CSMD1: variants seen among roughly 807,000 people sequenced by gnomAD.
The protein encoded by CSMD1 is CUB and Sushi multiple domains 1.
Under a neutral mutation model 417.5 loss-of-function variants are expected in CSMD1, and 213 were observed. That is an observed-to-expected ratio of 0.51 (90% CI 0.46 to 0.57). The LOEUF is 0.57. CSMD1 is among the 20% of genes least tolerant of loss of function. CSMD1 has a pLI of 0.00. For missense variants in CSMD1, 6,923 were observed against 4,529.7 expected, an observed-to-expected ratio of 1.53 and a Z score of -15.17; for synonymous variants, 2,862 against 1,736.8, an observed-to-expected ratio of 1.65 and a Z score of -16.11.
intron 5 of CSMD1, among the ~76,000 whole-genome samples, chr8:3,901,694 G>T (rs1445383111): frequency 6.6e-6 from 1 of 152,196 alleles, no homozygotes; most frequent in African/African-American, 2.4e-5. Context: ...AACTTTATTA[G>T]ATTTTGAAAT....
intron 2 of CSMD1, among the ~76,000 whole-genome samples, chr8:4,429,106 A>C (rs1271661871): frequency 6.6e-6 from 1 of 151,778 alleles, no homozygotes; most frequent in African/African-American, 2.4e-5. Flanking sequence ...AATGATTACT[A>C]CTGGTAATCA....
chr8:3,962,198 C>A (rs903659694), intron 5 of CSMD1, among the ~76,000 whole-genome samples: 2 of 152,126 alleles, frequency 1.3e-5, no homozygotes, highest in African/African-American at 4.8e-5. Flanking sequence ...TACCACATTC[C>A]AGAATGGGAT....
chr8:3,970,187 C>T (rs1341238676), intron 5 of CSMD1, among the ~76,000 whole-genome samples: 1 of 142,428 alleles, frequency 7.0e-6, no homozygotes, highest in Non-Finnish European at 1.6e-5. Flanking sequence ...ACCTCTTGAA[C>T]AAGGGACTTT....
chr8:3,855,988 A>G, intron 5 of CSMD1, among the ~76,000 whole-genome samples: 1 of 152,158 alleles, frequency 6.6e-6, no homozygotes. Context: ...TGTCAGTATT[A>G]ATCAATTTTT....
intron 1 of CSMD1, among the ~76,000 whole-genome samples, chr8:4,758,403 G>A (rs1010063470): frequency 6.6e-6 from 1 of 152,090 alleles, no homozygotes; most frequent in Non-Finnish European, 1.5e-5. Flanking sequence ...AATGAGCAAG[G>A]CCATAGATTG....
intron 26 of CSMD1, among the ~76,000 whole-genome samples, chr8:3,240,486 G>C (rs1054503891): frequency 5.3e-5 from 8 of 152,088 alleles, no homozygotes; most frequent in African/African-American, 7.2e-5. Flanking sequence ...TTGGCAGGGA[G>C]AGCACGTGTG....
At chr8:4,213,169 G>A (rs569837592) in intron 3 of CSMD1, among the ~76,000 whole-genome samples, 5 of 152,224 alleles carry the variant, frequency 3.3e-5, no homozygotes, top group African/African-American at 9.6e-5. Flanking sequence ...AAACCAAATG[G>A]GGAGAGACAT....
intron 5 of CSMD1, among the ~76,000 whole-genome samples, chr8:3,810,300 A>T (rs919247427): frequency 2.0e-5 from 3 of 152,206 alleles, no homozygotes; most frequent in East Asian, 3.9e-4. Context: ...GACGAAGACA[A>T]GACAAAACCC....
intron 2 of CSMD1, among the ~76,000 whole-genome samples, chr8:4,446,993 G>GT (rs1400750397): frequency 6.6e-6 from 1 of 151,878 alleles, no homozygotes; most frequent in African/African-American, 2.4e-5. Flanking sequence ...GGGTGGAGTG[G>GT]TAAGAAACTG....
At chr8:3,552,221 A>G (rs2116789757) in intron 10 of CSMD1, among the ~76,000 whole-genome samples, 1 of 152,312 alleles carries the variant, frequency 6.6e-6, no homozygotes, top group Admixed American at 6.5e-5. Flanking sequence ...CTGATTTAGA[A>G]AAAAGGGCTG....
At chr8:4,916,172 G>C (rs545287086) in intron 1 of CSMD1, among the ~76,000 whole-genome samples, 8 of 152,310 alleles carry the variant, frequency 5.3e-5, no homozygotes, top group Admixed American at 1.3e-4. Context: ...ATAAAAGAAA[G>C]TAGAGTCCTC....
intron 30 of CSMD1, among the ~76,000 whole-genome samples, chr8:3,206,555 CTGTGTGTGTATGTGTG>C (rs1797291762): frequency 3.6e-5 from 2 of 56,000 alleles, no homozygotes; most frequent in South Asian, 1.2e-3. Context: ...GAGGTTATGT[CTGTGTGTGTATGTGTG>C]TGTGTGTGTA....
At chr8:4,245,754 T>A (rs935360667) in intron 3 of CSMD1, among the ~76,000 whole-genome samples, 3 of 152,304 alleles carry the variant, frequency 2.0e-5, no homozygotes, top group East Asian at 3.9e-4. Context: ...AGTCAGGCCG[T>A]ATCACCCAAC....
At chr8:3,554,465 C>T (rs1799055067) in intron 10 of CSMD1, among the ~76,000 whole-genome samples, 1 of 152,106 alleles carries the variant, frequency 6.6e-6, no homozygotes. Flanking sequence ...TCACAGACAC[C>T]CCACATTGAG....
intron 3 of CSMD1, among the ~76,000 whole-genome samples, chr8:4,198,841 A>C (rs1799488397): frequency 6.6e-6 from 1 of 152,126 alleles, no homozygotes; most frequent in Non-Finnish European, 1.5e-5. Flanking sequence ...CCATCTCAGG[A>C]GAGACAGCGC....
intron 1 of CSMD1, among the ~76,000 whole-genome samples, chr8:4,912,350 C>T (rs1219501915): frequency 1.1e-5 from 1 of 88,122 alleles, no homozygotes; most frequent in African/African-American, 4.1e-5. Context: ...ATTAAGAAAT[C>T]ATTTTCTGCT....
intron 2 of CSMD1, among the ~76,000 whole-genome samples, chr8:4,525,397 C>G (rs17070484): frequency 0.11 from 16,932 of 152,134 alleles, 1,222 homozygotes; most frequent in South Asian, 0.19. Context: ...AGCTGAACCA[C>G]CAACTGTCAT....
rs540295726 is a variant in CSMD1 at position 4,211,344 on chromosome 8, T to C, written c.416-179245A>G. 2.8e-4 allele frequency among the ~76,000 whole-genome samples: 42 copies of C among 152,216 alleles called. No individual in the cohort carries two copies. The South Asian group carries it at 6.0e-3, about 22-fold the overall frequency. ...TATCCAACTGTTAAATTTCTTTACA[T>C]TTCTTTTATTCCCTGTTTTTCTTTG... On this transcript the variant is annotated intron_variant, in intron 3 of 69. Coordinates refer to ENST00000635120, the MANE Select transcript of CSMD1 (RefSeq NM_033225.6).
At chr8:3,755,875 T>A (rs189130439) in intron 5 of CSMD1, among the ~76,000 whole-genome samples, 9 of 152,142 alleles carry the variant, frequency 5.9e-5, no homozygotes. Context: ...TACTGGCTGG[T>A]GACAGCTGGA....
Sources: allele counts gnomAD v4.1 joint callset (sites outside exome capture counted in the v4.1 genomes callset), GRCh38; gene constraint gnomAD v4.1.1; transcripts MANE v1.5; gene names NCBI Gene and HGNC (gene_info 2026-07-23, HGNC 2026-07-21).